Variants in TDRD12 observed in about 807,000 individuals in gnomAD.
The protein encoded by TDRD12 is tudor domain containing 12, also known as putative ATP-dependent RNA helicase TDRD12.
TDRD12 carries 158 observed loss-of-function variants against 133.5 expected under a neutral mutation model. That is an observed-to-expected ratio of 1.18 (90% CI 1.04 to 1.35). The LOEUF is 1.35. TDRD12 is among the 40% of genes most tolerant of loss of function. TDRD12 has a pLI of 0.00. For missense variants in TDRD12, 1,443 were observed against 1,321.3 expected (o/e 1.09, Z -1.43); for synonymous variants, 460 against 477.9 (o/e 0.96, Z 0.49).
At chr19:32,727,488 A>T (rs1968897439) in intron 1 of TDRD12, among the ~76,000 whole-genome samples, 1 of 151,786 alleles carries the variant, frequency 6.6e-6, no homozygotes, top group South Asian at 2.1e-4. Flanking sequence ...CAGTTTGTCT[A>T]TTTTTTCTTT....
intron 27 of TDRD12, among the ~76,000 whole-genome samples, 192 bp downstream of exon 27, chr19:32,818,349 A>G (rs1053883173): frequency 7.9e-5 from 12 of 152,194 alleles, no homozygotes; most frequent in Non-Finnish European, 1.3e-4. Context: ...GTGCTGGGCC[A>G]GGTCTTGTGG....
chr19:32,800,546 A>G (rs1336137263), intron 17 of TDRD12, 98 bp from the exon 18 acceptor site: 6 of 1,053,244 alleles, frequency 5.7e-6, no homozygotes, highest in South Asian at 2.0e-5. Context: ...TTGATTTCCT[A>G]TACATTCTTT....
intron 14 of TDRD12, among the ~76,000 whole-genome samples, chr19:32,796,565 A>T (rs1328312352): frequency 1.3e-5 from 2 of 151,858 alleles, no homozygotes; most frequent in Non-Finnish European, 2.9e-5. Context: ...AGCCTGGGCA[A>T]GAAGAGCCAA....
At chr19:32,756,667 C>T (rs555262181) in intron 7 of TDRD12, among the ~76,000 whole-genome samples, 82 of 152,226 alleles carry the variant, frequency 5.4e-4, no homozygotes, top group African/African-American at 5.8e-4. Flanking sequence ...GGATTACAGG[C>T]GTGACACCGC....
exon 1 of TDRD12, chr19:32,719,820 G>A: frequency 5.2e-6 from 3 of 573,118 alleles, no homozygotes; most frequent in Admixed American, 3.0e-5. Flanking sequence ...GGCCAGGCAG[G>A]CAGGGATCCC....
intron 1 of TDRD12, among the ~76,000 whole-genome samples, chr19:32,721,860 A>G (rs971649260): frequency 6.7e-6 from 1 of 148,368 alleles, no homozygotes. Flanking sequence ...GGCGGCCACC[A>G]CCACGCCTGG....
At chr19:32,744,998 C>T (rs1347346834) in intron 4 of TDRD12, among the ~76,000 whole-genome samples, 2 of 151,656 alleles carry the variant, frequency 1.3e-5, no homozygotes, top group African/African-American at 4.8e-5. Context: ...TTGCGGCTGG[C>T]GTGGCATCTA....
At chr19:32,821,102 G>A (rs1263052242) in exon 28 of TDRD12, 1 of 1,535,952 alleles carries the variant, frequency 6.5e-7, no homozygotes, top group East Asian at 2.4e-5. Flanking sequence ...CAGAAGGAGG[G>A]GCTGAGTCCA....
intron 14 of TDRD12, 84 bp downstream of exon 14, chr19:32,794,897 G>A (rs750289570): frequency 3.1e-5 from 20 of 640,442 alleles, no homozygotes; most frequent in Non-Finnish European, 4.5e-5. Flanking sequence ...GAGGAAGGTC[G>A]TCTATTACTC....
At chr19:32,802,839 C>T in intron 20 of TDRD12, 50 bp downstream of exon 20, 2 of 1,533,558 alleles carry the variant, frequency 1.3e-6, no homozygotes, top group Non-Finnish European at 1.7e-6. Context: ...TCTTCTGTGT[C>T]ATGATAAGCT....
intron 1 of TDRD12, among the ~76,000 whole-genome samples, chr19:32,722,744 A>G (rs1439057510): frequency 6.7e-6 from 1 of 150,360 alleles, no homozygotes; most frequent in Non-Finnish European, 1.5e-5. Context: ...TGGTGGAGCA[A>G]TCTCGGCTCA....
chr19:32,805,849 A>G (rs1971533422), intron 21 of TDRD12, among the ~76,000 whole-genome samples: 1 of 148,074 alleles, frequency 6.8e-6, no homozygotes, highest in South Asian at 2.1e-4. Flanking sequence ...CTCCTGCCTC[A>G]GCTTCCTGAG....
In TDRD12 at chr19:32,757,133, G is replaced by A. The variant is rs112172366; in HGVS notation, c.865+3G>A. On this transcript the variant is annotated splice_donor_region_variant and intron_variant, in intron 8 of 27. Transcript: ENST00000444215. ...CAGGCCAACAGCCACAGCACAGGGT[G>A]AGTTCTGCTAATGTGGTTTATTTCA... The A allele has an allele frequency of 7.6e-5, 118 of 1,549,958 alleles. 1 individual carries two copies. The African/African-American group carries it at 1.3e-3, about 17-fold the overall frequency.
intron 2 of TDRD12, among the ~76,000 whole-genome samples, chr19:32,733,470 C>CAAA (rs5827819): frequency 8.4e-5 from 12 of 143,206 alleles, no homozygotes; most frequent in Admixed American, 4.2e-4. Context: ...AACTCTGTCT[C>CAAA]AAAAAAAAAA....
At chr19:32,756,733 T>A (rs1460104270) in intron 7 of TDRD12, among the ~76,000 whole-genome samples, 1 of 152,144 alleles carries the variant, frequency 6.6e-6, no homozygotes, top group Non-Finnish European at 1.5e-5. Context: ...TCCAAATGTT[T>A]GCAATTTAGA....
intron 14 of TDRD12, among the ~76,000 whole-genome samples, chr19:32,796,981 CTTTTTTT>C (rs1157185010): frequency 7.4e-6 from 1 of 135,306 alleles, no homozygotes; most frequent in South Asian, 2.4e-4. Context: ...AGAGGTTCGT[CTTTTTTT>C]TTTTTTTTTT....
intron 25 of TDRD12, among the ~76,000 whole-genome samples, chr19:32,814,005 T>C (rs1416684257): frequency 6.6e-6 from 1 of 152,234 alleles, no homozygotes; most frequent in Non-Finnish European, 1.5e-5. Context: ...ACGTGCATTG[T>C]GTATGCGAGG....
chr19:32,731,794 T>C (rs1444789776), exon 2 of TDRD12: 3 of 1,551,312 alleles, frequency 1.9e-6, no homozygotes, highest in African/African-American at 1.4e-5. Context: ...TGATGTCGAT[T>C]ATCAAAAATT....
downstream of TDRD12, among the ~76,000 whole-genome samples, chr19:32,825,176 C>G (rs1967548048): frequency 6.6e-6 from 1 of 152,222 alleles, no homozygotes; most frequent in Non-Finnish European, 1.5e-5. The surrounding 1 kb of genome is among the most constrained non-coding windows in gnomAD (Gnocchi z 4.1). Context: ...CACTCGATGG[C>G]AGGCGGCATG....
Sources: gnomAD v4.1 joint callset for allele counts (sites outside exome capture counted in the v4.1 genomes callset) on GRCh38, gnomAD v4.1.1 for gene constraint, Gnocchi (gnomAD v3.1) non-coding constraint, MANE v1.5 for transcripts, NCBI Gene and HGNC (gene_info 2026-07-23, HGNC 2026-07-21) for gene names.